NEBL: variants seen among roughly 807,000 people sequenced by gnomAD.
NEBL encodes the protein LIM and SH3 protein 2.
Under a neutral mutation model 140.2 loss-of-function variants are expected in NEBL, and 122 were observed. That is an observed-to-expected ratio of 0.87 (90% confidence interval 0.75 to 1.01). NEBL has a LOEUF of 1.01. Ranked by LOEUF, NEBL falls within the 50% of genes least tolerant of loss-of-function variation. The pLI, the probability that NEBL is intolerant of heterozygous loss-of-function variation, is 0.00. For missense variants in NEBL, 1,365 were observed against 1,231.3 expected (o/e 1.11, Z -1.62); for synonymous variants, 436 against 398.9 (o/e 1.09, Z -1.11).
intron 3 of NEBL, among the ~76,000 whole-genome samples, chr10:20,990,794 A>G (rs907219801): frequency 6.6e-6 from 1 of 152,194 alleles, no homozygotes; most frequent in African/African-American, 2.4e-5. Context: ...CTTCAGCCAG[A>G]AAGAATGCTT....
At chr10:20,788,178 G>A (rs1436634869) in intron 26 of NEBL, among the ~76,000 whole-genome samples, 1 of 152,152 alleles carries the variant, frequency 6.6e-6, no homozygotes, top group Non-Finnish European at 1.5e-5. Flanking sequence ...CTCTGTGAAT[G>A]TGTTTAAGTT....
intron 5 of NEBL, among the ~76,000 whole-genome samples, chr10:20,872,125 A>G (rs1048172919): frequency 2.6e-5 from 4 of 152,202 alleles, no homozygotes; most frequent in Middle Eastern, 3.2e-3. Flanking sequence ...TAAGCTTTAC[A>G]TGGGTTACCT....
chr10:20,809,723 G>A, intron 25 of NEBL, 83 bp downstream of exon 25: 1 of 1,118,994 alleles, frequency 8.9e-7, no homozygotes, highest in Non-Finnish European at 1.4e-6. Flanking sequence ...ACATTACACA[G>A]TACAATGAAC....
In NEBL at chr10:21,105,539, G is replaced by A. The variant is rs189183837; in HGVS notation, c.164+66844C>T. On this transcript the variant is annotated intron_variant, in intron 2 of 6. Transcript: ENST00000417816. ...ACTCATCCTTTTTTATGGCTGTATA[G>A]TATTCCGTGGTGCATATGTGCCACA... 2.6e-5 allele frequency among the ~76,000 whole-genome samples: 4 copies of A among 152,270 alleles called. No homozygotes were observed. In the East Asian group the frequency reaches 5.8e-4, roughly 22 times the overall value.
At chr10:21,061,954 C>A (rs1835325412) in intron 2 of NEBL, among the ~76,000 whole-genome samples, 1 of 152,210 alleles carries the variant, frequency 6.6e-6, no homozygotes, top group Non-Finnish European at 1.5e-5. Context: ...ACTCACATGT[C>A]TGCTTCTGCA....
chr10:21,236,953 A>G (rs1472586938), intron 3 of NEBL, among the ~76,000 whole-genome samples: 1 of 152,170 alleles, frequency 6.6e-6, no homozygotes, highest in Non-Finnish European at 1.5e-5. Flanking sequence ...GGACCAAGGC[A>G]TCGGTTAGTA....
upstream of NEBL, among the ~76,000 whole-genome samples, chr10:21,176,709 T>C (rs911930724): frequency 6.6e-6 from 1 of 152,184 alleles, no homozygotes; most frequent in Non-Finnish European, 1.5e-5. Flanking sequence ...TTCCTTGTGT[T>C]AACTCTACCC....
At chr10:20,837,353 A>C (rs183816084) in intron 13 of NEBL, among the ~76,000 whole-genome samples, 1 of 152,282 alleles carries the variant, frequency 6.6e-6, no homozygotes, top group African/African-American at 2.4e-5. Context: ...ACCAGACAAA[A>C]CATTCCAGAC....
rs2296606 is a variant in NEBL at position 20,787,171 on chromosome 10, C to A, written c.2868+31G>T. ...GCTTGAGGGGAAATGGGAAGACCAG[C>A]TAAGGAGGAACGTATCAAATGGACA... On this transcript the variant is annotated intron_variant, in intron 27 of 27. Transcript: ENST00000377122. 82,541 of 1,507,792 alleles carry A rather than the reference C, an allele frequency of 0.055. 8,694 individuals are homozygous for A. Among genetic ancestry groups the A allele is most frequent in the African/African-American group, 0.41 (29,526 of 72,644 alleles). The allele number at this position is 1,507,792 out of a possible 1,614,324, so 93.4% of individuals were successfully genotyped here. A position where few individuals can be genotyped will look rare whatever the true frequency, so the allele number is the denominator to read the frequency against.
At chr10:20,790,032 A>G (rs1187164510) in intron 26 of NEBL, among the ~76,000 whole-genome samples, 1 of 151,650 alleles carries the variant, frequency 6.6e-6, no homozygotes, top group South Asian at 2.1e-4. Context: ...TTTGAAAGGG[A>G]ACCTGTGCTA....
intron 2 of NEBL, among the ~76,000 whole-genome samples, chr10:21,126,974 C>CAAAAA (rs55883304): frequency 1.6e-5 from 1 of 64,178 alleles, no homozygotes. Flanking sequence ...GACCCTGTAT[C>CAAAAA]AAAAAAAAAA....
intron 2 of NEBL, among the ~76,000 whole-genome samples, chr10:21,249,065 A>G (rs561086957): frequency 6.6e-6 from 1 of 151,978 alleles, no homozygotes; most frequent in African/African-American, 2.4e-5. Flanking sequence ...GTCTCACTCT[A>G]TCACCCAGGC....
chr10:20,836,999 T>C (rs1312811967), intron 13 of NEBL, among the ~76,000 whole-genome samples: 2 of 152,072 alleles, frequency 1.3e-5, no homozygotes, highest in African/African-American at 2.4e-5. Flanking sequence ...CGTTCCTCTA[T>C]CTCTTTCCCT....
At chr10:21,106,101 G>A (rs1188565573) in intron 2 of NEBL, among the ~76,000 whole-genome samples, 1 of 151,776 alleles carries the variant, frequency 6.6e-6, no homozygotes, top group Admixed American at 6.6e-5. Context: ...TTTGTCAGAT[G>A]GGCAGATTGC....
chr10:21,100,841 C>A (rs1199507633), intron 2 of NEBL, among the ~76,000 whole-genome samples: 1 of 152,162 alleles, frequency 6.6e-6, no homozygotes, highest in African/African-American at 2.4e-5. Flanking sequence ...AAGTGAAGTA[C>A]TCAGCAATGA....
chr10:20,912,352 C>A (rs184337560), intron 4 of NEBL, among the ~76,000 whole-genome samples: 1 of 152,082 alleles, frequency 6.6e-6, no homozygotes, highest in Non-Finnish European at 1.5e-5. Flanking sequence ...TCCAGGAGGC[C>A]GAAGTGGGAG....
intron 3 of NEBL, among the ~76,000 whole-genome samples, chr10:21,190,001 G>C (rs77682785): frequency 6.6e-6 from 1 of 152,120 alleles, no homozygotes; most frequent in African/African-American, 2.4e-5. Flanking sequence ...TCCCAGAATT[G>C]AGGTGTTTTG....
chr10:21,066,412 C>G (rs1042072837), intron 2 of NEBL, among the ~76,000 whole-genome samples: 1 of 151,954 alleles, frequency 6.6e-6, no homozygotes, highest in South Asian at 2.1e-4. Context: ...GTTTTTCATG[C>G]TAATGATTAA....
intron 3 of NEBL, among the ~76,000 whole-genome samples, chr10:21,189,871 CTCAT>C (rs1473154597): frequency 6.6e-6 from 1 of 152,186 alleles, no homozygotes; most frequent in Non-Finnish European, 1.5e-5. Flanking sequence ...GTCCATTTTT[CTCAT>C]TCTGCTCCCC....
Sources: gnomAD v4.1 joint callset for allele counts (sites outside exome capture counted in the v4.1 genomes callset) on GRCh38, gnomAD v4.1.1 for gene constraint, MANE v1.5 for transcripts, NCBI Gene and HGNC (gene_info 2026-07-23, HGNC 2026-07-21) for gene names.